The following BBS9 variants were observed in gnomAD, a reference collection of about 807,000 sequenced individuals.
BBS9 encodes the protein protein PTHB1.
A neutral mutation model predicts 117.7 loss-of-function variants in BBS9; 89 were observed. The ratio of observed to expected loss-of-function variants is 0.76; its 90% confidence interval spans 0.64 to 0.90. BBS9 has a LOEUF of 0.90. BBS9 is among the 40% of genes least tolerant of loss of function. BBS9 has a pLI of 0.00. For missense variants in BBS9, 982 were observed against 1,042.2 expected (o/e 0.94, Z 0.80); for synonymous variants, 379 against 370.9 (o/e 1.02, Z -0.25).
intron 15 of BBS9, among the ~76,000 whole-genome samples, chr7:33,353,222 TA>T (rs907364021): frequency 6.6e-6 from 1 of 152,162 alleles, no homozygotes; most frequent in Admixed American, 6.5e-5. Flanking sequence ...AGAAAGAGTT[TA>T]AAAAAAGTGT....
chr7:33,435,123 C>T (rs1422452053), intron 19 of BBS9, among the ~76,000 whole-genome samples: 11 of 151,860 alleles, frequency 7.2e-5, no homozygotes, highest in Non-Finnish European at 1.6e-4. Context: ...TAATAAATAC[C>T]GCATGTTGAG....
chr7:33,480,676 A>G (rs1400345387), intron 19 of BBS9, among the ~76,000 whole-genome samples: 1 of 152,176 alleles, frequency 6.6e-6, no homozygotes, highest in Non-Finnish European at 1.5e-5. Context: ...GCTGGTGTGT[A>G]TATTGTTCAA....
At chr7:33,307,671 T>A (rs1490190913) in intron 9 of BBS9, among the ~76,000 whole-genome samples, 1 of 152,210 alleles carries the variant, frequency 6.6e-6, no homozygotes, top group Non-Finnish European at 1.5e-5. Context: ...TTTATAAAAT[T>A]GAATACAATG....
chr7:33,526,367 C>T (rs1849500398), intron 20 of BBS9, among the ~76,000 whole-genome samples: 1 of 152,202 alleles, frequency 6.6e-6, no homozygotes, highest in Non-Finnish European at 1.5e-5. Flanking sequence ...TCCATTCTCC[C>T]CATCACTTTC....
chr7:33,583,186 G>A (rs1860288679), intron 21 of BBS9, among the ~76,000 whole-genome samples: 1 of 152,124 alleles, frequency 6.6e-6, no homozygotes, highest in Non-Finnish European at 1.5e-5. Flanking sequence ...TGCCTGACAA[G>A]TGGGGGATGC....
At chr7:33,258,986 G>A (rs1055044374) in intron 6 of BBS9, among the ~76,000 whole-genome samples, 1 of 151,990 alleles carries the variant, frequency 6.6e-6, no homozygotes, top group Non-Finnish European at 1.5e-5. Context: ...CATTTATAAT[G>A]GTAAAAATGC....
intron 19 of BBS9, among the ~76,000 whole-genome samples, chr7:33,480,577 A>G (rs1842395839): frequency 1.3e-5 from 2 of 152,176 alleles, no homozygotes; most frequent in South Asian, 4.1e-4. Flanking sequence ...TCTGTCATGT[A>G]TCTTGACCTA....
intron 21 of BBS9, among the ~76,000 whole-genome samples, chr7:33,596,788 C>G (rs1054188315): frequency 6.6e-6 from 1 of 151,962 alleles, no homozygotes; most frequent in Non-Finnish European, 1.5e-5. Context: ...ATGATCCATT[C>G]TCTCTCCTCC....
At chr7:33,223,279 C>A (rs1404953334) in intron 5 of BBS9, among the ~76,000 whole-genome samples, 1 of 151,974 alleles carries the variant, frequency 6.6e-6, no homozygotes, top group African/African-American at 2.4e-5. Flanking sequence ...TATCTATCAT[C>A]TTATATCCTT....
chr7:33,217,244 T>C (rs546651862), intron 5 of BBS9, among the ~76,000 whole-genome samples: 1 of 152,030 alleles, frequency 6.6e-6, no homozygotes, highest in South Asian at 2.1e-4. Context: ...TGAAATTTGA[T>C]ATAAGAAAAT....
At chr7:33,556,460 T>G (rs1305706105) in intron 21 of BBS9, among the ~76,000 whole-genome samples, 1 of 152,236 alleles carries the variant, frequency 6.6e-6, no homozygotes, top group Non-Finnish European at 1.5e-5. Flanking sequence ...GATAGCCTTC[T>G]TTATACTGTT....
chr7:33,295,951 G>A (rs1302225038), intron 9 of BBS9, among the ~76,000 whole-genome samples: 1 of 151,972 alleles, frequency 6.6e-6, no homozygotes, highest in Non-Finnish European at 1.5e-5. Flanking sequence ...TATATAAAAT[G>A]GGTGAGGATA....
chr7:33,488,574 A>T (rs1198343420), intron 19 of BBS9, among the ~76,000 whole-genome samples: 1 of 152,186 alleles, frequency 6.6e-6, no homozygotes, highest in Non-Finnish European at 1.5e-5. Context: ...ACATTAAAAT[A>T]TGGGGTTAGG....
chr7:33,603,894 G>A (rs113683687), intron 21 of BBS9, among the ~76,000 whole-genome samples: 4 of 152,142 alleles, frequency 2.6e-5, no homozygotes, highest in African/African-American at 7.2e-5. Flanking sequence ...TCAAACCTGG[G>A]ATCTTGCCAC....
At chr7:33,343,215 A>G (rs573658792) in intron 11 of BBS9, among the ~76,000 whole-genome samples, 1 of 152,322 alleles carries the variant, frequency 6.6e-6, no homozygotes, top group African/African-American at 2.4e-5. Flanking sequence ...GGATAGAGAC[A>G]TAATTTTAAT....
intron 4 of BBS9, among the ~76,000 whole-genome samples, chr7:33,159,431 T>G (rs1794525408): frequency 6.6e-6 from 1 of 152,202 alleles, no homozygotes; most frequent in Admixed American, 6.5e-5. Context: ...CCTGGTCTGT[T>G]CTAGGAGCTT....
intron 18 of BBS9, among the ~76,000 whole-genome samples, chr7:33,386,859 A>G (rs2128753949): frequency 6.6e-6 from 1 of 152,218 alleles, no homozygotes; most frequent in East Asian, 1.9e-4. Flanking sequence ...TTAGGATTCT[A>G]ATTCCCCAGC....
In BBS9 at chr7:33,505,653, C is replaced by T; in HGVS notation, c.2298+8C>T. 6.2e-7 allele frequency: 1 copy of T among 1,612,526 alleles called. No homozygotes were observed. The highest frequency in any genetic ancestry group is 8.5e-7 in the Non-Finnish European group (1 of 1,179,816). On this transcript the variant is annotated splice_region_variant and intron_variant, in intron 20 of 22. Coordinates refer to ENST00000242067, the MANE Select transcript of BBS9 (RefSeq NM_198428.3). Reference sequence around the variant, plus strand: ...GAAGACACTCAAGAATTGGTAAGGACCTGAAAGCCTGTGGTGGGAACAGCC... The same window carrying T: ...GAAGACACTCAAGAATTGGTAAGGATCTGAAAGCCTGTGGTGGGAACAGCC...
chr7:33,346,977 G>A (rs191411571), intron 12 of BBS9, among the ~76,000 whole-genome samples: 171 of 152,164 alleles, frequency 1.1e-3, no homozygotes, highest in Middle Eastern at 3.4e-3. Context: ...GTAAAATAGG[G>A]ATACTTTTTC....
Sources: allele counts gnomAD v4.1 joint callset (sites outside exome capture counted in the v4.1 genomes callset), GRCh38; gene constraint gnomAD v4.1.1; transcripts MANE v1.5; gene names NCBI Gene and HGNC (gene_info 2026-07-23, HGNC 2026-07-21).